Variants in GJA8 observed in about 807,000 individuals in gnomAD.
The protein encoded by GJA8 is gap junction protein alpha 8.
Under a neutral mutation model 15.3 loss-of-function variants are expected in GJA8, and 13 were observed. That is an observed-to-expected ratio of 0.85 (90% CI 0.55 to 1.35). The LOEUF (loss-of-function observed/expected upper bound fraction) is 1.35. Ranked by LOEUF, GJA8 falls within the 40% of genes most tolerant of loss-of-function variation. The probability of loss-of-function intolerance (pLI) is 0.00; values close to 1 mark genes in which losing one functional copy is unlikely to be tolerated. For missense variants in GJA8, 607 were observed against 553.3 expected (o/e 1.10, Z -0.97); for synonymous variants, 304 against 238.7 (o/e 1.27, Z -2.52).
At chr1:147,913,863 T>C (rs896362165), downstream of GJA8, among the ~76,000 whole-genome samples, 1 of 152,186 alleles carries the variant, frequency 6.6e-6, no homozygotes, top group African/African-American at 2.4e-5. Flanking sequence ...TGAGTGTAAA[T>C]ACAATCTGTA....
chr1:147,907,667 C>G (rs1553242461), intron 1 of GJA8, among the ~76,000 whole-genome samples: 1 of 152,130 alleles, frequency 6.6e-6, no homozygotes, highest in Non-Finnish European at 1.5e-5. Context: ...AATATTGCCT[C>G]ATTGATGCTT....
Position 147,908,483 on chromosome 1 carries a change from G to T in GJA8, c.528G>T (p.Arg176=), listed in dbSNP as rs1236129318. Residue 176 remains arginine, a synonymous_variant, in exon 2 of 2, where the codon CGG becomes CGT. Coordinates refer to ENST00000369235, the MANE Select transcript of GJA8 (RefSeq NM_005267.5). ...IVGHYFLYGF[R]ILPLYRCSRW... is the part of the protein sequence containing the mutation. ...GCCACTACTTCCTGTACGGGTTCCG[G>T]ATCCTGCCTCTGTACCGCTGCAGCC... 3 of 1,614,178 alleles carry T rather than the reference G, an allele frequency of 1.9e-6. No homozygotes were observed. The highest frequency in any genetic ancestry group is 2.5e-6 in the Non-Finnish European group (3 of 1,180,028).
At chr1:147,912,412 C>T (rs1449357255), downstream of GJA8, among the ~76,000 whole-genome samples, 1 of 152,172 alleles carries the variant, frequency 6.6e-6, no homozygotes, top group African/African-American at 2.4e-5. Flanking sequence ...ACCTGAGGCT[C>T]ATTGACCTTA....
chr1:147,909,167 C>G lies in GJA8; in HGVS notation c.1212C>G (p.Leu404=). ...TGCCAGCTGAGAAGACACCTTCACT[C>G]TGTCCAGAGCTGACAACAGATGATG... is the stretch of plus-strand genomic sequence containing the variant. ...QGLPAEKTPS[L]CPELTTDDAR... Residue 404 remains leucine, a synonymous_variant, in exon 2 of 2, where the codon CTC becomes CTG. Transcript: ENST00000369235. 1 of 1,609,816 alleles carries G rather than the reference C, an allele frequency of 6.2e-7. No individual in the cohort carries two copies. Among genetic ancestry groups the G allele is most frequent in the Non-Finnish European group, 8.5e-7 (1 of 1,177,436 alleles).
chr1:147,910,341 T>C (rs1214807455), downstream of GJA8, among the ~76,000 whole-genome samples: 4 of 152,248 alleles, frequency 2.6e-5, no homozygotes, highest in African/African-American at 9.6e-5. Flanking sequence ...TTATTATTTA[T>C]GGTCTCAACT....
At chr1:147,905,031 C>T (rs587625280) in intron 1 of GJA8, among the ~76,000 whole-genome samples, 11 of 152,262 alleles carry the variant, frequency 7.2e-5, no homozygotes, top group African/African-American at 2.6e-4. Context: ...TGATCTCATA[C>T]AAAATAAGCA....
At position 147,909,104 on chromosome 1, in the gene GJA8, A is replaced by T. The variant is rs1553243019; in HGVS notation, c.1149A>T (p.Lys383Asn). 6.2e-7 allele frequency: 1 copy of T among 1,613,410 alleles called. No homozygotes were observed. Among genetic ancestry groups the T allele is most frequent in the Admixed American group, 1.7e-5 (1 of 59,894 alleles). Residue 383 changes from lysine (K) to asparagine (N), a missense_variant, in exon 2 of 2, where the codon AAA becomes AAT. Physicochemically the swap from Lys to Asn is moderately conservative, Grantham distance 94. Coordinates refer to ENST00000369235, the MANE Select transcript of GJA8 (RefSeq NM_005267.5). ...CCGGAGTGGATAAGGAGGGTGAAAA[A>T]GAAGAGCCGCAGTCGGAGAAGGTGT... is the stretch of plus-strand genomic sequence containing the variant. ...ETPGVDKEGE[K>N]EEPQSEKVSK...
Position 147,908,026 on chromosome 1 carries a change from T to G in GJA8, c.71T>G (p.Val24Gly). 2 of 1,613,970 alleles carry G rather than the reference T, an allele frequency of 1.2e-6. No homozygotes were observed. Among genetic ancestry groups the G allele is most frequent in the Non-Finnish European group, 1.7e-6 (2 of 1,179,936 alleles). Residue 24 changes from valine (V) to glycine (G), a missense_variant, in exon 2 of 2, where the codon GTC becomes GGC. Transcript: ENST00000369235. The part of the protein sequence containing the change: ...VNEHSTVIGR[V>G]WLTVLFIFRI... ...GAGCACTCCACCGTCATCGGCAGAG[T>G]CTGGCTCACCGTGCTTTTCATCTTC...
chr1:147,911,709 G>T (rs1338866227), downstream of GJA8, among the ~76,000 whole-genome samples: 2 of 152,146 alleles, frequency 1.3e-5, no homozygotes, highest in Admixed American at 1.3e-4. Context: ...CCATAGTTTT[G>T]TTCCTGAAGA....
chr1:147,908,949 G>C lies in GJA8; in HGVS notation c.994G>C (p.Glu332Gln). 6.2e-7 allele frequency: 1 copy of C among 1,607,172 alleles called. No individual in the cohort carries two copies. Among genetic ancestry groups the C allele is most frequent in the Non-Finnish European group, 8.5e-7 (1 of 1,175,528 alleles). ...CGCTCAGGTGGGGGCACAAGAAGTG[G>C]AGGGCGAGGGGCCGCCTGCAGAGGA... ...SYAQVGAQEV[E>Q]GEGPPAEEGA... Residue 332 changes from glutamate to glutamine, a missense_variant, in exon 2 of 2, where the codon GAG (glutamate) becomes CAG (glutamine). Coordinates refer to ENST00000369235, the MANE Select transcript of GJA8 (RefSeq NM_005267.5).
intron 1 of GJA8, among the ~76,000 whole-genome samples, chr1:147,907,057 TAA>T (rs1651827269): frequency 6.6e-6 from 1 of 152,002 alleles, no homozygotes; most frequent in South Asian, 2.1e-4. Flanking sequence ...AGCTAGTTTT[TAA>T]AGTTTTTTGT....
intron 1 of GJA8, among the ~76,000 whole-genome samples, chr1:147,903,855 C>T (rs7541950): frequency 0.55 from 83,021 of 151,714 alleles, 23,548 homozygotes; most frequent in African/African-American, 0.7. Flanking sequence ...ATGTCCTCTC[C>T]AGTTTTGTGG....
rs1553242697 is a variant in GJA8, at chr1:147,908,402, G to C, written c.447G>C (p.Arg149Ser). Residue 149 changes from arginine (R) to serine (S), a missense_variant, in exon 2 of 2, where the codon AGG becomes AGC. By Grantham distance (110) the Arg-to-Ser change is moderately radical. Coordinates refer to ENST00000369235, the MANE Select transcript of GJA8 (RefSeq NM_005267.5). The part of the protein sequence containing the change: ...KKFRLEGTLL[R>S]TYICHIIFKT... ...TCCGGCTGGAGGGGACCCTGCTGAG[G>C]ACCTACATCTGCCACATCATCTTCA... 5.6e-6 allele frequency: 9 copies of C among 1,614,162 alleles called. No individual in the cohort carries two copies. The highest frequency in any genetic ancestry group is 7.6e-6 in the Non-Finnish European group (9 of 1,180,032).
downstream of GJA8, chr1:147,909,330 G>T (rs1483356906): frequency 1.4e-5 from 16 of 1,141,256 alleles, no homozygotes; most frequent in Non-Finnish European, 2.0e-5. Flanking sequence ...GTGCCAACAT[G>T]ATCTGAATCT....
rs75153366 is a variant in GJA8 at position 147,908,798 on chromosome 1, G to T, written c.843G>T (p.Leu281Phe). The change falls in exon 2 of 2, where the codon TTG becomes TTT. Residue 281 changes from leucine (L) to phenylalanine (F), a missense_variant. Leu to Phe is a conservative substitution (Grantham distance 22). Transcript: ENST00000369235. Reference protein sequence around the residue: ...EEKIVSHYFPLTEVGMVETSP... With the variant: ...EEKIVSHYFPFTEVGMVETSP... Reference sequence around the variant, plus strand: ...AAATCGTTTCCCACTATTTCCCCTTGACCGAGGTTGGGATGGTGGAGACCA... The same window carrying T: ...AAATCGTTTCCCACTATTTCCCCTTTACCGAGGTTGGGATGGTGGAGACCA... The T allele has an allele frequency of 6.2e-7, 1 of 1,614,154 alleles. No individual in the cohort carries two copies. The highest frequency in any genetic ancestry group is 1.1e-5 in the South Asian group (1 of 91,064).
chr1:147,907,041 G>A (rs1210027555), intron 1 of GJA8, among the ~76,000 whole-genome samples: 1 of 151,810 alleles, frequency 6.6e-6, no homozygotes, highest in Admixed American at 6.6e-5. Flanking sequence ...ATGCACCACC[G>A]AGCCCAGCTA....
At position 147,902,795 on chromosome 1, in the gene GJA8, G is replaced by A. The variant is rs973507645; in HGVS notation, c.-78G>A. Reference sequence around the variant, plus strand: ...GCAGCAAAGGAAAGAGACGAAAGTTGCCATTTTGCTGCTGAGCGCCAAGAG... The same window carrying A: ...GCAGCAAAGGAAAGAGACGAAAGTTACCATTTTGCTGCTGAGCGCCAAGAG... On this transcript the variant is annotated 5_prime_UTR_variant, in exon 1 of 2. Transcript: ENST00000369235. 2.0e-5 allele frequency among the ~76,000 whole-genome samples: 3 copies of A among 152,210 alleles called. No individual in the cohort carries two copies. The highest frequency in any genetic ancestry group is 4.8e-5 in the African/African-American group (2 of 41,444).
chr1:147,911,863 G>A (rs1652173083), downstream of GJA8, among the ~76,000 whole-genome samples: 2 of 151,570 alleles, frequency 1.3e-5, no homozygotes, highest in Admixed American at 1.3e-4. Context: ...TTGTAGAAAT[G>A]AGGGCTACTG....
rs782773520 is a variant in GJA8, at chr1:147,908,271, C to G, written c.316C>G (p.Arg106Gly). Residue 106 changes from arginine (R) to glycine (G), a missense_variant, in exon 2 of 2, where the codon CGC (arginine) becomes GGC (glycine). By Grantham distance (125) the Arg-to-Gly change is moderately radical. Coordinates refer to ENST00000369235, the MANE Select transcript of GJA8 (RefSeq NM_005267.5). ...AVHYVRMEEK[R>G]KSREAEELGQ... The stretch of plus-strand genomic sequence containing the variant: ...GCACTACGTCCGCATGGAGGAGAAG[C>G]GCAAAAGCCGCGAGGCGGAGGAGCT... The G allele has an allele frequency of 1.2e-6, 2 of 1,614,036 alleles. No homozygotes were observed. The highest frequency in any genetic ancestry group is 1.3e-5 in the African/African-American group (1 of 74,934).
Sources: gnomAD v4.1 joint callset for allele counts (sites outside exome capture counted in the v4.1 genomes callset) on GRCh38, gnomAD v4.1.1 for gene constraint, MANE v1.5 for transcripts, NCBI Gene and HGNC (gene_info 2026-07-23, HGNC 2026-07-21) for gene names.